TBCK: variants seen among roughly 807,000 people sequenced by gnomAD.
TBCK encodes the protein TBC1 domain containing kinase, also known as TBC domain-containing protein kinase-like protein.
Under a neutral mutation model 113.4 loss-of-function variants are expected in TBCK, and 99 were observed. That is an observed-to-expected ratio of 0.87 (90% confidence interval 0.74 to 1.03). The LOEUF (loss-of-function observed/expected upper bound fraction) is 1.03. Ranked by LOEUF, TBCK falls within the 50% of genes least tolerant of loss-of-function variation. TBCK has a pLI of 0.00. For missense variants in TBCK, 1,045 were observed against 1,061.3 expected, an observed-to-expected ratio of 0.98 and a Z score of 0.21; for synonymous variants, 369 against 370.8, an observed-to-expected ratio of 1.00 and a Z score of 0.05.
chr4:106,125,250 G>A (rs1409887014), intron 23 of TBCK, among the ~76,000 whole-genome samples: 1 of 151,912 alleles, frequency 6.6e-6, no homozygotes, highest in Admixed American at 6.6e-5. Context: ...AAGGAAATGA[G>A]GATATCGAAG....
At chr4:106,098,397 T>C (rs1653660330) in intron 24 of TBCK, among the ~76,000 whole-genome samples, 2 of 152,002 alleles carry the variant, frequency 1.3e-5, no homozygotes, top group African/African-American at 2.4e-5. Flanking sequence ...CCAAAGTACT[T>C]ATGGGGTGAT....
chr4:106,270,318 A>C (rs1763365225), intron 3 of TBCK, among the ~76,000 whole-genome samples: 1 of 152,182 alleles, frequency 6.6e-6, no homozygotes, highest in African/African-American at 2.4e-5. Context: ...GATTGGCTGC[A>C]TATTTCTGCC....
intron 24 of TBCK, among the ~76,000 whole-genome samples, chr4:106,097,404 C>T (rs1175174069): frequency 6.6e-6 from 1 of 152,086 alleles, no homozygotes; most frequent in Non-Finnish European, 1.5e-5. Flanking sequence ...AAACTTATAG[C>T]ACAAAAATGA....
rs543348775 is a variant in TBCK, at chr4:106,137,813, T to C, written c.2236-21435A>G. 2.8e-5 allele frequency among the ~76,000 whole-genome samples: 4 copies of C among 140,724 alleles called. 1 individual carries two copies. In the South Asian group the frequency reaches 9.7e-4, roughly 34 times the overall value. The allele number at this position is 140,724 out of a possible 152,430, so 92.3% of individuals were successfully genotyped here. A position where few individuals can be genotyped will look rare whatever the true frequency, so the allele number is the denominator to read the frequency against. ...TTTTTTTTTCAGTGATTAGAGACTT[T>C]ATGCTAAAACGTTCACAGATGTACT... is the stretch of plus-strand genomic sequence containing the variant. On this transcript the variant is annotated intron_variant, in intron 23 of 25. Coordinates refer to ENST00000394708, the MANE Select transcript of TBCK (RefSeq NM_001163435.3).
intron 3 of TBCK, among the ~76,000 whole-genome samples, chr4:106,275,885 C>T (rs1305703876): frequency 6.6e-6 from 1 of 151,538 alleles, no homozygotes; most frequent in Admixed American, 6.6e-5. Flanking sequence ...AATCAAGATG[C>T]CAACAGAAAT....
In TBCK at chr4:106,210,232, C is replaced by CA. The variant is rs1032883963; in HGVS notation, c.1860+2517dup. ...CTCTCTCTCTTGAACAAAGGGAAGG[C>CA]AAAAAAAAAATCCAATTCCTTAAGC... is the stretch of plus-strand genomic sequence containing the variant. On this transcript the variant is annotated intron_variant, in intron 20 of 25. Transcript: ENST00000394708. Among the ~76,000 whole-genome samples the CA allele has an allele frequency of 1.6e-3, 233 of 147,724 alleles. 1 individual carries two copies. Among genetic ancestry groups the CA allele is most frequent in the African/African-American group, 4.7e-3 (191 of 40,324 alleles).
chr4:106,269,992 T>A (rs894446028), intron 3 of TBCK, among the ~76,000 whole-genome samples: 10 of 152,100 alleles, frequency 6.6e-5, no homozygotes, highest in Non-Finnish European at 1.3e-4. Flanking sequence ...TTTGCAAATT[T>A]ATAAAGTAAA....
chr4:106,102,197 T>G (rs1741635797), intron 24 of TBCK, among the ~76,000 whole-genome samples: 1 of 152,214 alleles, frequency 6.6e-6, no homozygotes, highest in Admixed American at 6.5e-5. Flanking sequence ...ATGTTTTTAT[T>G]GTTAAGTGGG....
intron 25 of TBCK, among the ~76,000 whole-genome samples, chr4:106,084,078 A>G (rs1160651924): frequency 6.6e-6 from 1 of 152,206 alleles, no homozygotes; most frequent in Non-Finnish European, 1.5e-5. Flanking sequence ...AACTGGATGG[A>G]GGATCAAATG....
rs569511014 is a variant in TBCK at position 106,141,405 on chromosome 4, T to C, written c.2236-25027A>G. Among the ~76,000 whole-genome samples the C allele has an allele frequency of 1.4e-3, 191 of 139,698 alleles. 20 individuals are homozygous for C. The highest frequency in any genetic ancestry group is 4.7e-3 in the African/African-American group (187 of 39,706). 91.6% of individuals were successfully genotyped at this position (139,698 alleles called of 152,430 possible). A position where few individuals can be genotyped will look rare whatever the true frequency, so the allele number is the denominator to read the frequency against. ...AAATATTCTCCATATATTAACTCAA[T>C]CCTCCCAATAATCCTCTGAAGTATA... On this transcript the variant is annotated intron_variant, in intron 23 of 25. Transcript: ENST00000394708.
chr4:106,278,558 CA>C (rs376599844), intron 3 of TBCK, among the ~76,000 whole-genome samples: 339 of 22,124 alleles, frequency 0.015, no homozygotes, highest in East Asian at 0.055. Flanking sequence ...AACTCTGTCT[CA>C]AAAAAAAAAA....
chr4:106,115,931 A>G (rs1743429303), intron 24 of TBCK, among the ~76,000 whole-genome samples: 1 of 152,226 alleles, frequency 6.6e-6, no homozygotes, highest in Non-Finnish European at 1.5e-5. Context: ...AATGCCTTCA[A>G]GAATAGCAAT....
At chr4:106,101,404 C>A (rs1246448256) in intron 24 of TBCK, among the ~76,000 whole-genome samples, 2 of 152,016 alleles carry the variant, frequency 1.3e-5, no homozygotes, top group Non-Finnish European at 2.9e-5. Context: ...GAACCTAAGC[C>A]CAAATGAGAT....
At chr4:106,207,232 T>C (rs954619688) in intron 20 of TBCK, among the ~76,000 whole-genome samples, 1 of 152,198 alleles carries the variant, frequency 6.6e-6, no homozygotes, top group East Asian at 1.9e-4. Flanking sequence ...TTTCTAACTA[T>C]TCAAGCTTTA....
At chr4:106,311,473 C>T (rs1473405255) in intron 1 of TBCK, among the ~76,000 whole-genome samples, 1 of 151,728 alleles carries the variant, frequency 6.6e-6, no homozygotes, top group Non-Finnish European at 1.5e-5. Flanking sequence ...TTCCAGTTTT[C>T]ATAAAACTCA....
In TBCK at chr4:106,308,803, A is replaced by G; in HGVS notation, c.158T>C (p.Leu53Pro). The G allele has an allele frequency of 6.2e-7, 1 of 1,614,060 alleles. No individual in the cohort carries two copies. The highest frequency in any genetic ancestry group is 1.3e-5 in the African/African-American group (1 of 75,022). ...CCTAGAAATATCCACATACTGGCAG[A>G]GTCTGGGATGGGTGATGGTTTTAAG... Reference protein sequence around the residue: ...QILKTITHPRLCQYVDISRGK... With the variant: ...QILKTITHPRPCQYVDISRGK... Residue 53 changes from leucine (L) to proline (P), a missense_variant, in exon 2 of 26, where the codon CTC (leucine) becomes CCC (proline). By Grantham distance (98) the Leu-to-Pro change is moderately conservative. Coordinates refer to ENST00000394708, the MANE Select transcript of TBCK (RefSeq NM_001163435.3).
At chr4:106,198,359 T>A (rs1392872359) in intron 20 of TBCK, among the ~76,000 whole-genome samples, 2 of 152,162 alleles carry the variant, frequency 1.3e-5, no homozygotes, top group African/African-American at 4.8e-5. Context: ...ATTATTAATA[T>A]CAGTATAAGA....
intron 22 of TBCK, among the ~76,000 whole-genome samples, chr4:106,183,365 C>T (rs1024671124): frequency 6.6e-6 from 1 of 152,076 alleles, no homozygotes; most frequent in Non-Finnish European, 1.5e-5. Context: ...TTATCACTAC[C>T]ACCAGTACCA....
At chr4:106,136,198 A>G (rs1746533418) in intron 23 of TBCK, among the ~76,000 whole-genome samples, 1 of 139,956 alleles carries the variant, frequency 7.1e-6, no homozygotes, top group African/African-American at 2.5e-5. Context: ...TTGGTCTATA[A>G]ATACATGCAA....
Sources: gnomAD v4.1 joint callset for allele counts (sites outside exome capture counted in the v4.1 genomes callset) on GRCh38, gnomAD v4.1.1 for gene constraint, MANE v1.5 for transcripts, NCBI Gene and HGNC (gene_info 2026-07-23, HGNC 2026-07-21) for gene names.